ATRNL1: variants seen among roughly 807,000 people sequenced by gnomAD.
ATRNL1 encodes the protein attractin-like protein 1.
A neutral mutation model predicts 182.7 loss-of-function variants in ATRNL1; 95 were observed. The observed-to-expected ratio is 0.52, with a 90% CI of 0.44 to 0.62. The LOEUF (loss-of-function observed/expected upper bound fraction) is 0.62, where lower values mean the gene tolerates loss of function less well. Ranked by LOEUF, ATRNL1 falls within the 20% of genes least tolerant of loss-of-function variation. The pLI is 0.00. For missense variants in ATRNL1, 1,471 were observed against 1,679.5 expected (o/e 0.88, Z 2.17); for synonymous variants, 576 against 568.3 (o/e 1.01, Z -0.19).
intron 28 of ATRNL1, among the ~76,000 whole-genome samples, chr10:115,927,973 G>A (rs1953284406): frequency 6.6e-6 from 1 of 152,016 alleles, no homozygotes; most frequent in African/African-American, 2.4e-5. Context: ...GTTTCCAATG[G>A]AGAAAATGAA....
intron 27 of ATRNL1, among the ~76,000 whole-genome samples, chr10:115,807,592 G>C (rs1289777400): frequency 6.6e-6 from 1 of 152,180 alleles, no homozygotes; most frequent in East Asian, 1.9e-4. Flanking sequence ...CTCGCATTTA[G>C]ATCTGCACCT....
At chr10:115,571,417 T>C (rs1854388114) in intron 26 of ATRNL1, among the ~76,000 whole-genome samples, 2 of 152,204 alleles carry the variant, frequency 1.3e-5, no homozygotes, top group Admixed American at 1.3e-4. Context: ...TATTAATACA[T>C]TCTTTACCCC....
chr10:115,715,996 A>C (rs1947238505), intron 26 of ATRNL1, among the ~76,000 whole-genome samples: 1 of 152,248 alleles, frequency 6.6e-6, no homozygotes, highest in Non-Finnish European at 1.5e-5. Context: ...CAAGTACATA[A>C]GAAAGCCGAT....
chr10:115,919,844 G>A (rs1380762892), intron 28 of ATRNL1, among the ~76,000 whole-genome samples: 4 of 152,054 alleles, frequency 2.6e-5, no homozygotes, highest in East Asian at 1.9e-4. Context: ...GTGTTCTCAC[G>A]TGGTGGAAAG....
intron 27 of ATRNL1, among the ~76,000 whole-genome samples, chr10:115,741,670 G>A (rs782200821): frequency 3.9e-5 from 6 of 152,182 alleles, no homozygotes; most frequent in Non-Finnish European, 7.3e-5. Context: ...CGCTGAACTA[G>A]TGATTGTCAA....
At chr10:115,896,346 T>A (rs181042179) in intron 28 of ATRNL1, among the ~76,000 whole-genome samples, 3 of 152,286 alleles carry the variant, frequency 2.0e-5, no homozygotes, top group Admixed American at 6.5e-5. Flanking sequence ...CAGTAATTCC[T>A]GTGCTAATTA....
intron 26 of ATRNL1, among the ~76,000 whole-genome samples, chr10:115,670,813 C>A (rs1555041133): frequency 6.6e-6 from 1 of 152,102 alleles, no homozygotes; most frequent in East Asian, 1.9e-4. Flanking sequence ...CTGCCATTTA[C>A]TTGCTATGTT....
intron 28 of ATRNL1, among the ~76,000 whole-genome samples, chr10:115,919,910 G>A (rs759868018): frequency 1.3e-5 from 2 of 151,944 alleles, no homozygotes; most frequent in African/African-American, 4.8e-5. Context: ...TATTCATGAG[G>A]GCTCCACCCT....
At chr10:115,436,172 T>TTG (rs1434525665) in intron 21 of ATRNL1, among the ~76,000 whole-genome samples, 1 of 152,144 alleles carries the variant, frequency 6.6e-6, no homozygotes, top group East Asian at 1.9e-4. Flanking sequence ...ATTTCAAGGT[T>TTG]TGTTTTCTTC....
chr10:115,805,788 C>T (rs1949907895), intron 27 of ATRNL1, among the ~76,000 whole-genome samples: 1 of 152,096 alleles, frequency 6.6e-6, no homozygotes, highest in Non-Finnish European at 1.5e-5. Flanking sequence ...GACCTAGATT[C>T]TAAAAATCAT....
At chr10:115,594,545 C>CA (rs1167927950) in intron 26 of ATRNL1, among the ~76,000 whole-genome samples, 1 of 152,186 alleles carries the variant, frequency 6.6e-6, no homozygotes, top group Non-Finnish European at 1.5e-5. Flanking sequence ...CTCACTCTTT[C>CA]ACCCAGGCTG....
At chr10:115,540,472 A>G (rs890907964) in intron 25 of ATRNL1, among the ~76,000 whole-genome samples, 1 of 152,122 alleles carries the variant, frequency 6.6e-6, no homozygotes, top group Admixed American at 6.5e-5. Context: ...ATTAAAGGGT[A>G]CAGTGGAGGC....
chr10:115,341,086 C>T (rs1855732572), intron 19 of ATRNL1, among the ~76,000 whole-genome samples: 1 of 151,486 alleles, frequency 6.6e-6, no homozygotes, highest in Non-Finnish European at 1.5e-5. Context: ...GTTTGCTCTT[C>T]CTTTTCTAGT....
Position 115,889,996 on chromosome 10 carries a change from C to T in ATRNL1, c.4018+42005C>T, listed in dbSNP as rs368123422. On this transcript the variant is annotated intron_variant, in intron 28 of 28. Coordinates refer to ENST00000355044, the MANE Select transcript of ATRNL1 (RefSeq NM_207303.4). The stretch of plus-strand genomic sequence containing the variant: ...TGTGCATTGGGGGAGTGGTGGTTTC[C>T]AGATGAGACAACAGCCACAAAGTAC... Among the ~76,000 whole-genome samples the T allele has an allele frequency of 2.6e-5, 4 of 152,154 alleles. No individual in the cohort carries two copies. The South Asian group carries it at 6.2e-4, about 24-fold the overall frequency.
At chr10:115,321,929 T>C (rs1041076079) in intron 18 of ATRNL1, among the ~76,000 whole-genome samples, 2 of 152,030 alleles carry the variant, frequency 1.3e-5, no homozygotes, top group African/African-American at 2.4e-5. Flanking sequence ...ACAGAATGCC[T>C]AATCAACACA....
chr10:115,888,605 A>T (rs1242099906), intron 28 of ATRNL1, among the ~76,000 whole-genome samples: 1 of 152,224 alleles, frequency 6.6e-6, no homozygotes, highest in Non-Finnish European at 1.5e-5. Context: ...AAATCCTCTT[A>T]TAAGGTACTT....
intron 26 of ATRNL1, 122 bp from the exon 27 acceptor site, chr10:115,727,126 A>G: frequency 3.0e-6 from 2 of 673,588 alleles, no homozygotes; most frequent in Non-Finnish European, 5.2e-6. Flanking sequence ...CTAGATATGG[A>G]TATCTGTATA....
intron 25 of ATRNL1, among the ~76,000 whole-genome samples, chr10:115,537,191 G>T (rs995675632): frequency 6.6e-6 from 1 of 152,114 alleles, no homozygotes; most frequent in Non-Finnish European, 1.5e-5. Context: ...GTGATGGTAC[G>T]TTTTCTTGCA....
chr10:115,848,021 A>T (rs782793524), intron 28 of ATRNL1, 30 bp downstream of exon 28: 13 of 1,244,026 alleles, frequency 1.0e-5, no homozygotes, highest in Admixed American at 1.7e-5. Context: ...TTCAGCAGTT[A>T]AGCAAAACTT....
Sources: allele counts gnomAD v4.1 joint callset (sites outside exome capture counted in the v4.1 genomes callset), GRCh38; gene constraint gnomAD v4.1.1; transcripts MANE v1.5; gene names NCBI Gene and HGNC (gene_info 2026-07-23, HGNC 2026-07-21).